The following GAPVD1 variants were observed in gnomAD, a reference collection of about 807,000 sequenced individuals.
GAPVD1 encodes the protein GTPase-activating protein and VPS9 domain-containing protein 1.
A neutral mutation model predicts 155.5 loss-of-function variants in GAPVD1; 35 were observed. That is an observed-to-expected ratio of 0.23 (90% confidence interval 0.17 to 0.30). GAPVD1 has a LOEUF of 0.30. GAPVD1 is among the 10% of genes least tolerant of loss of function. GAPVD1 has a pLI of 1.00. For synonymous variants in GAPVD1, 636 were observed against 619.7 expected, an observed-to-expected ratio of 1.03 and a Z score of -0.39; for missense variants, 1,429 against 1,775.7, an observed-to-expected ratio of 0.80 and a Z score of 3.51.
At chr9:125,323,541 A>C (rs1034773227) in intron 10 of GAPVD1, among the ~76,000 whole-genome samples, 2 of 152,046 alleles carry the variant, frequency 1.3e-5, no homozygotes, top group African/African-American at 4.8e-5. Flanking sequence ...TCCTGACCTC[A>C]TGATCCACCC....
At chr9:125,285,361 C>T (rs903527126) in intron 2 of GAPVD1, among the ~76,000 whole-genome samples, 2 of 151,854 alleles carry the variant, frequency 1.3e-5, no homozygotes, top group Non-Finnish European at 2.9e-5. Context: ...TTACTGTGCT[C>T]TCAGTGATAA....
intron 2 of GAPVD1, among the ~76,000 whole-genome samples, chr9:125,293,877 T>TTATATATTATATATATTATATATA (rs1471962977): frequency 5.5e-5 from 1 of 18,176 alleles, no homozygotes; most frequent in East Asian, 9.9e-4. Context: ...TATATATATA[T>TTATATATTATATATATTATATATA]ATATATATAT....
At chr9:125,294,261 G>A (rs1205503431) in intron 2 of GAPVD1, among the ~76,000 whole-genome samples, 4 of 148,704 alleles carry the variant, frequency 2.7e-5, no homozygotes, top group South Asian at 2.2e-4. Context: ...GGCTGGTCTC[G>A]AACTCCTGAT....
chr9:125,263,704 TGTCTGTCAGCACTCCATCTGTAGGTA>T, intron 1 of GAPVD1: 2 of 203,818 alleles, frequency 9.8e-6, no homozygotes, highest in Non-Finnish European at 1.6e-5. Context: ...TCTGTAGGTA[TGTCTGTCAGCACTCCATCTGTAGGTA>T]TGTCTGTCAG....
At chr9:125,352,513 C>T (rs956061853) in intron 23 of GAPVD1, among the ~76,000 whole-genome samples, 7 of 152,196 alleles carry the variant, frequency 4.6e-5, no homozygotes, top group East Asian at 1.9e-4. Flanking sequence ...ATGGCTAGAG[C>T]GGCCGGAGGG....
At position 125,365,935 on chromosome 9, in the gene GAPVD1, A is replaced by G. The variant is rs1851448749; in HGVS notation, c.*3189A>G. On this transcript the variant is annotated 3_prime_UTR_variant, in exon 28 of 28. Coordinates refer to ENST00000297933, the MANE Select transcript of GAPVD1 (RefSeq NM_001282680.3). ...ATTATAGGCGTGAGCCACCGTGCCC[A>G]ACCACAAAATTATATGTATATATAT... is the stretch of plus-strand genomic sequence containing the variant. The G allele has an allele frequency of 6.6e-6, 1 of 152,258 alleles. No individual in the cohort carries two copies. Among genetic ancestry groups the G allele is most frequent in the Non-Finnish European group, 1.5e-5 (1 of 68,046 alleles). The allele number at this position is 152,258 out of a possible 1,614,324, so 9.4% of individuals were successfully genotyped here. A position where few individuals can be genotyped will look rare whatever the true frequency, so the allele number is the denominator to read the frequency against.
intron 2 of GAPVD1, among the ~76,000 whole-genome samples, chr9:125,274,226 G>A (rs1481341748): frequency 2.0e-5 from 3 of 151,634 alleles, no homozygotes; most frequent in Non-Finnish European, 2.9e-5. Flanking sequence ...CCATGTTGGC[G>A]AGCCTGGTCT....
chr9:125,337,393 C>T lies in GAPVD1; in HGVS notation c.2679C>T (p.Tyr893=), dbSNP rs753283501. ...AGGCATTCAAGCAAAGGCATTCTTA[C>T]CCTGAGAGACTAGTTCGAAGCAGGA... is the stretch of plus-strand genomic sequence containing the variant. ...EMEAFKQRHS[Y]PERLVRSRSS... The change falls in exon 17 of 28, where the codon TAC becomes TAT. Residue 893 remains tyrosine, a synonymous_variant. Coordinates refer to ENST00000297933, the MANE Select transcript of GAPVD1 (RefSeq NM_001282680.3). 1.2e-6 allele frequency: 2 copies of T among 1,614,098 alleles called. No individual in the cohort carries two copies.
intron 2 of GAPVD1, chr9:125,287,940 A>G (rs892876859): frequency 6.6e-6 from 1 of 151,864 alleles, no homozygotes; most frequent in African/African-American, 2.4e-5. Context: ...GGGTTTCACC[A>G]TGTTGACGAG....
intron 19 of GAPVD1, 104 bp downstream of exon 19, chr9:125,342,403 C>A: frequency 1.4e-6 from 1 of 732,372 alleles, no homozygotes; most frequent in South Asian, 1.5e-5. Context: ...AAGAGTGTGT[C>A]TGTGTGTACA....
chr9:125,277,955 A>G (rs765794341), intron 2 of GAPVD1, among the ~76,000 whole-genome samples: 1 of 152,156 alleles, frequency 6.6e-6, no homozygotes, highest in Non-Finnish European at 1.5e-5. Flanking sequence ...AGCGTGAGCC[A>G]CTGTACCTGA....
Position 125,359,283 on chromosome 9 carries a change from C to CT in GAPVD1, c.3972-136dup. The CT allele has an allele frequency of 6.0e-6, 4 of 668,528 alleles. No individual in the cohort carries two copies. The South Asian group carries it at 6.9e-5, about 11-fold the overall frequency. The allele number at this position is 668,528 out of a possible 1,614,324, so 41.4% of individuals were successfully genotyped here. A position where few individuals can be genotyped will look rare whatever the true frequency, so the allele number is the denominator to read the frequency against. ...GAATACTTATCTAAGAGGCTCAACT[C>CT]TAACTGTAATCCATATCTAGCTGTA... On this transcript the variant is annotated intron_variant, in intron 25 of 27. Transcript: ENST00000297933.
At chr9:125,295,292 C>T (rs569953339) in intron 2 of GAPVD1, among the ~76,000 whole-genome samples, 166 bp from the exon 3 acceptor site, 2 of 152,008 alleles carry the variant, frequency 1.3e-5, no homozygotes, top group African/African-American at 4.8e-5. Context: ...AAAAATTTTC[C>T]TACTTTTAGT....
In GAPVD1 at chr9:125,309,612, G is replaced by T. The variant is rs1422042444; in HGVS notation, c.1441+1732G>T. 2.0e-5 allele frequency among the ~76,000 whole-genome samples: 3 copies of T among 152,160 alleles called. No homozygotes were observed. The South Asian group carries it at 6.2e-4, about 32-fold the overall frequency. On this transcript the variant is annotated intron_variant, in intron 8 of 27. Transcript: ENST00000297933. Reference sequence around the variant, plus strand: ...GGCCTCCCAAAGGGCTGGGATTACAGGTGTGAGCCACCGTGCCCGGGCACT... The same window carrying T: ...GGCCTCCCAAAGGGCTGGGATTACATGTGTGAGCCACCGTGCCCGGGCACT...
chr9:125,318,953 A>T (rs910209135), intron 9 of GAPVD1, among the ~76,000 whole-genome samples: 2 of 152,052 alleles, frequency 1.3e-5, no homozygotes, highest in Non-Finnish European at 2.9e-5. Flanking sequence ...AAGCAGGCAG[A>T]TCACTTGAGG....
At chr9:125,314,733 A>G (rs1843143422) in intron 9 of GAPVD1, among the ~76,000 whole-genome samples, 1 of 152,174 alleles carries the variant, frequency 6.6e-6, no homozygotes, top group East Asian at 1.9e-4. Context: ...CCCTAAAGAT[A>G]GGAGTCTCTT....
intron 2 of GAPVD1, among the ~76,000 whole-genome samples, chr9:125,294,522 T>G (rs140007131): frequency 0.011 from 1,613 of 150,332 alleles, 36 homozygotes; most frequent in African/African-American, 0.036. Context: ...AATTTTTGAA[T>G]TTTTTAGTAG....
chr9:125,335,158 C>G (rs774786257), intron 15 of GAPVD1: 1 of 753,160 alleles, frequency 1.3e-6, no homozygotes. Flanking sequence ...AACTACATGT[C>G]CGTGTGAGGC....
In GAPVD1 at chr9:125,355,747, G is replaced by A. The variant is rs746515209; in HGVS notation, c.3861G>A (p.Ala1287=). ...CCCAGGATGTCATATGGCAAAACGC[G>A]AGTGAAGAACAGCTTCAAGATGCAC... The part of the protein sequence containing the change: ...AMAQDVIWQN[A]SEEQLQDAQL... Residue 1287 remains alanine (A), a synonymous_variant, in exon 25 of 28, where the codon GCG becomes GCA. Coordinates refer to ENST00000297933, the MANE Select transcript of GAPVD1 (RefSeq NM_001282680.3). 13 of 1,613,016 alleles carry A rather than the reference G, an allele frequency of 8.1e-6. No individual in the cohort carries two copies. In the Admixed American group the frequency reaches 1.0e-4, roughly 12 times the overall value.
Sources: allele counts gnomAD v4.1 joint callset (sites outside exome capture counted in the v4.1 genomes callset), GRCh38; gene constraint gnomAD v4.1.1; transcripts MANE v1.5; gene names NCBI Gene and HGNC (gene_info 2026-07-23, HGNC 2026-07-21).